ZMPSTE24: variants seen among roughly 807,000 people sequenced by gnomAD.
ZMPSTE24 encodes CAAX prenyl protease 1 homolog.
In ZMPSTE24, 48 loss-of-function variants were observed where a neutral mutation model predicts 56.7. That is an observed-to-expected ratio of 0.85 (90% CI 0.67 to 1.08). The LOEUF is 1.08. ZMPSTE24 is among the 50% of genes least tolerant of loss of function. ZMPSTE24 has a pLI of 0.00. For missense variants in ZMPSTE24, 503 were observed against 548.7 expected (o/e 0.92, Z 0.83); for synonymous variants, 172 against 195.2 (o/e 0.88, Z 0.99).
rs1643579227 is a variant in ZMPSTE24 at position 40,268,502 on chromosome 1, T to G, written c.441T>G (p.Phe147Leu). 1 of 1,611,214 alleles carries G rather than the reference T, an allele frequency of 6.2e-7. No individual in the cohort carries two copies. The highest frequency in any genetic ancestry group is 1.7e-5 in the Admixed American group (1 of 59,786). ...TGCCATGGAGTCTTTATAATACTTT[T>G]GTGATAGAAGAAAAACATGGCTTCA... ...TGLPWSLYNT[F>L]VIEEKHGFNQ... The change falls in exon 4 of 10, where the codon TTT (phenylalanine) becomes TTG (leucine). Residue 147 changes from phenylalanine to leucine, a missense_variant. Physicochemically the swap from Phe to Leu is conservative, Grantham distance 22. Coordinates refer to ENST00000372759, the MANE Select transcript of ZMPSTE24 (RefSeq NM_005857.5).
chr1:40,259,711 C>T (rs1464316105), intron 1 of ZMPSTE24, among the ~76,000 whole-genome samples: 1 of 152,108 alleles, frequency 6.6e-6, no homozygotes, highest in Non-Finnish European at 1.5e-5. Context: ...CTCAAACGAC[C>T]CCTCCACCTC....
At chr1:40,277,964 CAAAAAAAA>C (rs35695915) in intron 6 of ZMPSTE24, among the ~76,000 whole-genome samples, 1 of 48,328 alleles carries the variant, frequency 2.1e-5, no homozygotes, top group Non-Finnish European at 4.0e-5. Context: ...GACTCCATCT[CAAAAAAAA>C]AAAAAAAAAA....
intron 6 of ZMPSTE24, among the ~76,000 whole-genome samples, chr1:40,276,175 C>T (rs1380495854): frequency 6.6e-6 from 1 of 152,152 alleles, no homozygotes; most frequent in Non-Finnish European, 1.5e-5. Flanking sequence ...AGACTACACA[C>T]AAGAATACAA....
In ZMPSTE24 at chr1:40,279,759, A is replaced by G. The variant is rs190901758; in HGVS notation, c.770-1584A>G. On this transcript the variant is annotated intron_variant, in intron 6 of 9. Coordinates refer to ENST00000372759, the MANE Select transcript of ZMPSTE24 (RefSeq NM_005857.5). ...CCCAGTGCTGGTTGCAGGCGTTGCA[A>G]TTTTCTGTGCATCTCATCGATTTGC... Among the ~76,000 whole-genome samples the G allele has an allele frequency of 9.1e-4, 138 of 152,176 alleles. 2 individuals are homozygous for G. Among genetic ancestry groups the G allele is most frequent in the Admixed American group, 5.7e-3 (87 of 15,286 alleles).
intron 6 of ZMPSTE24, among the ~76,000 whole-genome samples, chr1:40,273,361 A>G (rs1018553508): frequency 1.3e-5 from 2 of 151,174 alleles, no homozygotes; most frequent in Non-Finnish European, 2.9e-5. Flanking sequence ...TTACTAAAAT[A>G]CAAAAAATTA....
At position 40,293,705 on chromosome 1, in the gene ZMPSTE24, A is replaced by G. The variant is rs1481371721; in HGVS notation, c.*1036A>G. ...ATATTACTTAATCAGGCCTGATTCT[A>G]CTTTTGAAAATTACAGTTCTTGAAA... On this transcript the variant is annotated 3_prime_UTR_variant, in exon 10 of 10. Coordinates refer to ENST00000372759, the MANE Select transcript of ZMPSTE24 (RefSeq NM_005857.5). The G allele has an allele frequency of 6.6e-6, 1 of 152,192 alleles. No individual in the cohort carries two copies. The highest frequency in any genetic ancestry group is 1.5e-5 in the Non-Finnish European group (1 of 68,016). 9.4% of individuals were successfully genotyped at this position (152,192 alleles called of 1,614,324 possible). A position where few individuals can be genotyped will look rare whatever the true frequency, so the allele number is the denominator to read the frequency against.
chr1:40,258,648 G>T (rs1393125345), intron 1 of ZMPSTE24, among the ~76,000 whole-genome samples: 2 of 152,130 alleles, frequency 1.3e-5, no homozygotes, highest in South Asian at 4.1e-4. Flanking sequence ...GGGCTCTTGT[G>T]CCCTCCCTGC....
chr1:40,262,697 T>C (rs763202893), intron 2 of ZMPSTE24: 27 of 406,688 alleles, frequency 6.6e-5, no homozygotes, highest in East Asian at 1.4e-4. Context: ...GCTAGTTGCT[T>C]CCAAACTTGA....
In ZMPSTE24 at chr1:40,282,617, T is replaced by C. The variant is rs573619061; in HGVS notation, c.954+1090T>C. 2.6e-4 allele frequency among the ~76,000 whole-genome samples: 39 copies of C among 152,350 alleles called. No individual in the cohort carries two copies. In the East Asian group the frequency reaches 2.9e-3, roughly 11 times the overall value. The stretch of plus-strand genomic sequence containing the variant: ...TTGGCCTCCCAAAGTGCTGGGATTA[T>C]AGGCGTGTGCCACCGCACCCCGCCA... On this transcript the variant is annotated intron_variant, in intron 7 of 9. Coordinates refer to ENST00000372759, the MANE Select transcript of ZMPSTE24 (RefSeq NM_005857.5).
intron 5 of ZMPSTE24, 59 bp downstream of exon 5, chr1:40,270,186 A>C (rs1643599801): frequency 6.4e-7 from 1 of 1,567,520 alleles, no homozygotes; most frequent in Admixed American, 1.7e-5. Flanking sequence ...GATTACTGTA[A>C]TCTTCATTGG....
At chr1:40,267,962 GT>G (rs1171237383) in intron 3 of ZMPSTE24, 90 bp downstream of exon 3, 12 of 1,134,670 alleles carry the variant, frequency 1.1e-5, no homozygotes, top group African/African-American at 1.5e-5. Context: ...TTCTGCCAAT[GT>G]TAAGATTTGC....
intron 8 of ZMPSTE24, among the ~76,000 whole-genome samples, chr1:40,288,627 G>T (rs118060523): frequency 6.6e-6 from 1 of 152,140 alleles, no homozygotes; most frequent in Non-Finnish European, 1.5e-5. Context: ...ACAGAGAAAG[G>T]CTAGCTGACC....
intron 2 of ZMPSTE24, 106 bp downstream of exon 2, chr1:40,261,091 T>G (rs934815716): frequency 5.2e-5 from 72 of 1,380,140 alleles, no homozygotes; most frequent in Non-Finnish European, 6.8e-5. Context: ...GAATGCTTTC[T>G]TAACCTTTGT....
At chr1:40,270,536 G>C (rs1200165376) in intron 5 of ZMPSTE24, among the ~76,000 whole-genome samples, 1 of 152,096 alleles carries the variant, frequency 6.6e-6, no homozygotes, top group Non-Finnish European at 1.5e-5. Flanking sequence ...TACTTAACTG[G>C]CTTTCTTCTG....
At chr1:40,265,705 G>C (rs965973061) in intron 2 of ZMPSTE24, among the ~76,000 whole-genome samples, 9 of 152,084 alleles carry the variant, frequency 5.9e-5, no homozygotes, top group African/African-American at 1.4e-4. Context: ...CTTAAAAAAA[G>C]AAAACAATTT....
intron 2 of ZMPSTE24, among the ~76,000 whole-genome samples, chr1:40,262,138 G>A (rs1404426801): frequency 6.6e-6 from 1 of 152,172 alleles, no homozygotes; most frequent in Non-Finnish European, 1.5e-5. Flanking sequence ...TGTTTCATGA[G>A]TTAAAGAAAC....
In ZMPSTE24 at chr1:40,267,818, C is replaced by A. The variant is rs1414496562; in HGVS notation, c.303C>A (p.Leu101=). 1.9e-6 allele frequency: 3 copies of A among 1,613,778 alleles called. No homozygotes were observed. The highest frequency in any genetic ancestry group is 2.5e-6 in the Non-Finnish European group (3 of 1,179,826). ...TTCTCTTTGGAGGAATACCTTATCT[C>A]TGGAGACTTTCTGGACGGTTCTGTG... ...LILLFGGIPY[L]WRLSGRFCGY... The change falls in exon 3 of 10, where the codon CTC becomes CTA. Residue 101 remains leucine, a synonymous_variant. Coordinates refer to ENST00000372759, the MANE Select transcript of ZMPSTE24 (RefSeq NM_005857.5).
intron 1 of ZMPSTE24, among the ~76,000 whole-genome samples, chr1:40,258,941 T>C (rs1643467652): frequency 6.6e-6 from 1 of 152,008 alleles, no homozygotes; most frequent in Non-Finnish European, 1.5e-5. Flanking sequence ...GCGGATCACC[T>C]GGGGTCAGGA....
intron 2 of ZMPSTE24, among the ~76,000 whole-genome samples, chr1:40,265,857 G>A (rs990582745): frequency 3.3e-5 from 5 of 152,164 alleles, no homozygotes; most frequent in African/African-American, 7.2e-5. Flanking sequence ...TGCTGTTGCT[G>A]CTGTCCAGAG....
Sources: allele counts gnomAD v4.1 joint callset (sites outside exome capture counted in the v4.1 genomes callset), GRCh38; gene constraint gnomAD v4.1.1; transcripts MANE v1.5; gene names NCBI Gene and HGNC (gene_info 2026-07-23, HGNC 2026-07-21).